The following TSC2 variants were observed in gnomAD, a reference collection of about 807,000 sequenced individuals.
TSC2 encodes the protein tuberin.
TSC2 carries 29 observed loss-of-function variants against 202.2 expected under a neutral mutation model. That is an observed-to-expected ratio of 0.14 (90% CI 0.11 to 0.20). The LOEUF is 0.20. TSC2 is among the 10% of genes least tolerant of loss of function. The probability of loss-of-function intolerance (pLI) is 1.00; values close to 1 mark genes in which losing one functional copy is unlikely to be tolerated. For synonymous variants in TSC2, 1,349 were observed against 1,044.0 expected (o/e 1.29, Z -5.63); for missense variants, 2,429 against 2,420.0 (o/e 1.00, Z -0.08).
chr16:2,051,045 C>T (rs1037145419), intron 3 of TSC2, among the ~76,000 whole-genome samples: 30 of 150,770 alleles, frequency 2.0e-4, no homozygotes, highest in African/African-American at 6.3e-4. Context: ...CTATGCCGAG[C>T]GGGGGTGCGG....
chr16:2,052,999 TC>T (rs755295621), intron 3 of TSC2, among the ~76,000 whole-genome samples: 1 of 152,184 alleles, frequency 6.6e-6, no homozygotes, highest in Non-Finnish European at 1.5e-5. Flanking sequence ...TCCCATGACT[TC>T]CTGCCAGCAT....
Position 2,081,751 on chromosome 16 carries a change from C to T in TSC2, c.3767C>T (p.Pro1256Leu), listed in dbSNP as rs1596400594. The T allele has an allele frequency of 6.2e-7, 1 of 1,612,834 alleles. No individual in the cohort carries two copies. The highest frequency in any genetic ancestry group is 8.5e-7 in the Non-Finnish European group (1 of 1,180,010). The change falls in exon 31 of 42, where the codon CCG (proline) becomes CTG (leucine). Residue 1256 changes from proline (P) to leucine (L), a missense_variant. Pro to Leu is a moderately conservative substitution (Grantham distance 98, BLOSUM62 -3). Coordinates refer to ENST00000219476, the MANE Select transcript of TSC2 (RefSeq NM_000548.5). The part of the protein sequence containing the change: ...DTALYKSLSV[P>L]AASTAKPPPL... ...GCCCTGTACAAGTCACTGTCGGTGC[C>T]GGCAGCCAGCACGGCCAAACCCCCT...
rs1060504107 is a variant in TSC2 at position 2,071,904 on chromosome 16, C to T, written c.2067C>T (p.Leu689=). 2.5e-6 allele frequency: 4 copies of T among 1,594,244 alleles called. No homozygotes were observed. Among genetic ancestry groups the T allele is most frequent in the Non-Finnish European group, 3.4e-6 (4 of 1,170,584 alleles). ...TGGGGTCCGTGCCCTACTCCCTGCT[C>T]TTCCGCGTCCTGCTGCAGTGCTTGA... ...VRLGSVPYSL[L]FRVLLQCLKQ... is the part of the protein sequence containing the mutation. Residue 689 remains leucine, a synonymous_variant, in exon 19 of 42, where the codon CTC becomes CTT. Coordinates refer to ENST00000219476, the MANE Select transcript of TSC2 (RefSeq NM_000548.5).
chr16:2,077,517 C>A, intron 25 of TSC2, 81 bp from the exon 26 acceptor site: 1 of 1,602,400 alleles, frequency 6.2e-7, no homozygotes, highest in Non-Finnish European at 8.5e-7. Flanking sequence ...GACCTTTCCT[C>A]CTCACCCCTC....
chr16:2,060,590 G>T lies in TSC2; in HGVS notation c.976-80G>T, dbSNP rs577256369. The T allele has an allele frequency of 1.9e-6, 3 of 1,608,428 alleles. 1 individual carries two copies. Among genetic ancestry groups the T allele is most frequent in the South Asian group, 2.2e-5 (2 of 90,656 alleles). ...CTGCGCGCTCAGGCGTGCTACTCTC[G>T]GTCCCAAGGGTGACTGGGAGGGCGT... On this transcript the variant is annotated intron_variant, in intron 10 of 41. Coordinates refer to ENST00000219476, the MANE Select transcript of TSC2 (RefSeq NM_000548.5).
chr16:2,067,227 T>G (rs569701091), intron 16 of TSC2, among the ~76,000 whole-genome samples: 1 of 151,974 alleles, frequency 6.6e-6, no homozygotes, highest in African/African-American at 2.4e-5. Context: ...GCTGTGACCA[T>G]AGCTCAGTGC....
At position 2,049,590 on chromosome 16, in the gene TSC2, C is replaced by T. The variant is rs1388033780; in HGVS notation, c.139-810C>T. 2.0e-5 allele frequency among the ~76,000 whole-genome samples: 3 copies of T among 151,796 alleles called. No individual in the cohort carries two copies. In the East Asian group the frequency reaches 5.9e-4, roughly 30 times the overall value. ...CTGTCATCCCAGCACTTTGGGAGGCCGAGGCGGGTGGATCACCTGAGGTCA... is the reference window on the plus strand; with the variant it reads ...CTGTCATCCCAGCACTTTGGGAGGCTGAGGCGGGTGGATCACCTGAGGTCA... On this transcript the variant is annotated intron_variant, in intron 2 of 41. Transcript: ENST00000219476.
In TSC2 at chr16:2,064,703, C is replaced by T. The variant is rs2087081175; in HGVS notation, c.1599+276C>T. On this transcript the variant is annotated intron_variant, in intron 15 of 41. Transcript: ENST00000219476. ...CCGACGCTGGAGCCCAGACCTGGGGCTGGGGCTTTGGCCTGCCGTCCTCCC... is the reference window on the plus strand; with the variant it reads ...CCGACGCTGGAGCCCAGACCTGGGGTTGGGGCTTTGGCCTGCCGTCCTCCC... 7.3e-6 allele frequency: 4 copies of T among 544,994 alleles called. No individual in the cohort carries two copies. The East Asian group carries it at 1.3e-4, about 18-fold the overall frequency. The allele number at this position is 544,994 out of a possible 1,614,324, so 33.8% of individuals were successfully genotyped here. A position where few individuals can be genotyped will look rare whatever the true frequency, so the allele number is the denominator to read the frequency against.
In TSC2 at chr16:2,055,472, C is replaced by A. The variant is rs199991910; in HGVS notation, c.552C>A (p.Val184=). The A allele has an allele frequency of 6.2e-7, 1 of 1,614,202 alleles. No homozygotes were observed. The highest frequency in any genetic ancestry group is 8.5e-7 in the Non-Finnish European group (1 of 1,180,046). ...SEFLLVLVNL[V]KFNSCYLDEY... is the part of the protein sequence containing the mutation. ...TCCTTCTGGTGCTGGTGAACTTGGTCAAATTCAATAGCTGTTACCTCGACG... is the reference window on the plus strand; with the variant it reads ...TCCTTCTGGTGCTGGTGAACTTGGTAAAATTCAATAGCTGTTACCTCGACG... The change falls in exon 6 of 42, where the codon GTC becomes GTA. Residue 184 remains valine (V), a synonymous_variant. Transcript: ENST00000219476.
chr16:2,056,263 C>G lies in TSC2; in HGVS notation c.648+19C>G, dbSNP rs1196860918. ...CATAGAGGTCAGTGCCTCCCCTCCC[C>G]AGGGCCGGCCCATTTCACCCTGGTT... On this transcript the variant is annotated intron_variant, in intron 7 of 41. Transcript: ENST00000219476. 1.5e-5 allele frequency: 25 copies of G among 1,613,946 alleles called. No homozygotes were observed. Among genetic ancestry groups the G allele is most frequent in the Non-Finnish European group, 2.1e-5 (25 of 1,180,022 alleles).
chr16:2,085,825 C>T (rs964606957), intron 36 of TSC2, among the ~76,000 whole-genome samples: 2 of 152,156 alleles, frequency 1.3e-5, no homozygotes, highest in Non-Finnish European at 2.9e-5. Flanking sequence ...GCAGAGGGCA[C>T]ATGGCCTGAC....
chr16:2,062,061 C>T (rs920132857), intron 12 of TSC2, 53 bp downstream of exon 12: 25 of 1,610,810 alleles, frequency 1.6e-5, no homozygotes, highest in East Asian at 8.9e-5. Flanking sequence ...GGGGAGGGGC[C>T]GGGTGCTGGG....
intron 20 of TSC2, 100 bp downstream of exon 20, chr16:2,072,463 G>A (rs1252286490): frequency 9.1e-6 from 14 of 1,538,422 alleles, no homozygotes; most frequent in East Asian, 2.3e-5. Context: ...CTTCGGGCTC[G>A]GGCTCCATTT....
chr16:2,067,690 AAC>A (rs2087589036), intron 16 of TSC2, among the ~76,000 whole-genome samples: 1 of 152,196 alleles, frequency 6.6e-6, no homozygotes, highest in Non-Finnish European at 1.5e-5. Context: ...GAATCACTTG[AAC>A]CCATGAGGCA....
In TSC2 at chr16:2,079,427, A is replaced by T. The variant is rs2089847209; in HGVS notation, c.3283A>T (p.Ser1095Cys). The T allele has an allele frequency of 6.2e-7, 1 of 1,612,546 alleles. No homozygotes were observed. Among genetic ancestry groups the T allele is most frequent in the Non-Finnish European group, 8.5e-7 (1 of 1,179,920 alleles). The change falls in exon 28 of 42, where the codon AGC becomes TGC. Residue 1095 changes from serine to cysteine, a missense_variant and splice_region_variant. By Grantham distance (112) the Ser-to-Cys change is moderately radical. Transcript: ENST00000219476. This position sits in a 1 kb window ranked among gnomAD's most constrained non-coding sequence, Gnocchi z 4.6. ...GGAGCTGCAGTCCGGCCCGGAGTCGAGGTGACTGCACCTTCCTTTCCTCCG... is the reference window on the plus strand; with the variant it reads ...GGAGCTGCAGTCCGGCCCGGAGTCGTGGTGACTGCACCTTCCTTTCCTCCG... ...SGELQSGPES[S>C]SSPGVHVRQT... is the part of the protein sequence containing the mutation.
rs397514984 is a variant in TSC2, at chr16:2,072,943, C to T, written c.2315C>T (p.Ala772Val). 16 of 1,613,496 alleles carry T rather than the reference C, an allele frequency of 9.9e-6. No homozygotes were observed. Among genetic ancestry groups the T allele is most frequent in the Non-Finnish European group, 1.4e-5 (16 of 1,180,046 alleles). Residue 772 changes from alanine to valine, a missense_variant, in exon 21 of 42, where the codon GCA (alanine) becomes GTA (valine). Physicochemically the swap from Ala to Val is moderately conservative, Grantham distance 64 (BLOSUM62 0). Coordinates refer to ENST00000219476, the MANE Select transcript of TSC2 (RefSeq NM_000548.5). The part of the protein sequence containing the change: ...LHLAVVPVLT[A>V]LISYHNYLDK... Reference sequence around the variant, plus strand: ...CTGGCCGTGGTTCCAGTGCTGACAGCATTAATCTCTTACCATAACTACCTG... The same window carrying T: ...CTGGCCGTGGTTCCAGTGCTGACAGTATTAATCTCTTACCATAACTACCTG...
chr16:2,061,783 C>T lies in TSC2; in HGVS notation c.1120-88C>T, dbSNP rs566618033. The T allele has an allele frequency of 3.1e-6, 5 of 1,607,602 alleles. No individual in the cohort carries two copies. In the South Asian group the frequency reaches 4.4e-5, roughly 14 times the overall value. ...CGGCCTGAGAGGGCTGAGGGTGTCT[C>T]CATGCGGTGGGTGTGTAGCGAGGCC... On this transcript the variant is annotated intron_variant, in intron 11 of 41. Coordinates refer to ENST00000219476, the MANE Select transcript of TSC2 (RefSeq NM_000548.5).
chr16:2,082,265 C>T, intron 31 of TSC2, 171 bp from the exon 32 acceptor site: 4 of 725,098 alleles, frequency 5.5e-6, no homozygotes, highest in Non-Finnish European at 7.3e-6. Context: ...AGGCACTGCC[C>T]TCCTCAGGTC....
intron 38 of TSC2, chr16:2,087,349 T>G: frequency 3.0e-6 from 1 of 329,946 alleles, no homozygotes. Flanking sequence ...GCAGGGCAGA[T>G]AGGCTGGAGG....
Sources: allele counts gnomAD v4.1 joint callset (sites outside exome capture counted in the v4.1 genomes callset), GRCh38; gene constraint gnomAD v4.1.1; non-coding constraint Gnocchi (gnomAD v3.1); transcripts MANE v1.5; gene names NCBI Gene and HGNC (gene_info 2026-07-23, HGNC 2026-07-21).